SMARCA2: variants seen among roughly 807,000 people sequenced by gnomAD.
SMARCA2 encodes SWI/SNF-related matrix-associated actin-dependent regulator of chromatin subfamily A member 2.
Under a neutral mutation model 199.8 loss-of-function variants are expected in SMARCA2, and 61 were observed. The ratio of observed to expected loss-of-function variants is 0.31; its 90% confidence interval spans 0.25 to 0.38. SMARCA2 has a LOEUF of 0.38. Ranked by LOEUF, SMARCA2 falls within the 10% of genes least tolerant of loss-of-function variation. The pLI, the probability that SMARCA2 is intolerant of heterozygous loss-of-function variation, is 1.00. For missense variants in SMARCA2, 1,344 were observed against 2,012.2 expected (o/e 0.67, Z 6.35); for synonymous variants, 935 against 732.0 (o/e 1.28, Z -4.48).
chr9:2,096,473 T>C (rs866897226), intron 19 of SMARCA2, 184 bp from the exon 20 acceptor site: 22 of 516,460 alleles, frequency 4.3e-5, no homozygotes, highest in Non-Finnish European at 7.0e-5. Flanking sequence ...ATCATAATGG[T>C]ACCTTGAACA....
chr9:2,078,336 G>T (rs993532485), intron 14 of SMARCA2, among the ~76,000 whole-genome samples: 3 of 152,086 alleles, frequency 2.0e-5, no homozygotes, highest in Non-Finnish European at 4.4e-5. Flanking sequence ...GCTGGGTGTG[G>T]TGGCACATGC....
intron 27 of SMARCA2, among the ~76,000 whole-genome samples, chr9:2,131,659 C>G (rs59725148): frequency 1.3e-5 from 2 of 152,164 alleles, no homozygotes. Context: ...TTGGGGTTTT[C>G]TTCTTCCCAA....
At chr9:2,149,695 G>A (rs1824957941) in intron 27 of SMARCA2, among the ~76,000 whole-genome samples, 1 of 151,412 alleles carries the variant, frequency 6.6e-6, no homozygotes, top group Non-Finnish European at 1.5e-5. Context: ...GATTTGGGTG[G>A]GGACACAGAG....
chr9:2,190,200 G>A (rs572856034), intron 32 of SMARCA2, among the ~76,000 whole-genome samples: 1 of 152,282 alleles, frequency 6.6e-6, no homozygotes, highest in South Asian at 2.1e-4. Flanking sequence ...GTCCTGTGAA[G>A]GTGGAAATGG....
intron 21 of SMARCA2, 135 bp downstream of exon 21, chr9:2,097,606 C>T: frequency 1.7e-6 from 1 of 578,500 alleles, no homozygotes; most frequent in Non-Finnish European, 3.1e-6. Flanking sequence ...ATGACATGAT[C>T]TGATAGCTCG....
chr9:2,186,360 GC>G, intron 32 of SMARCA2, 132 bp downstream of exon 32: 1 of 924,266 alleles, frequency 1.1e-6, no homozygotes, highest in Non-Finnish European at 1.6e-6. Flanking sequence ...CTTTGTCCTT[GC>G]TGGGCAACCG....
chr9:2,144,806 C>G (rs1180933417), intron 27 of SMARCA2, among the ~76,000 whole-genome samples: 1 of 151,698 alleles, frequency 6.6e-6, no homozygotes, highest in Non-Finnish European at 1.5e-5. Context: ...TTGCTGATCA[C>G]AACTCATCTC....
chr9:2,101,546 T>C (rs746904299), intron 21 of SMARCA2, 24 bp from the exon 22 acceptor site: 2 of 1,336,992 alleles, frequency 1.5e-6, no homozygotes, highest in Non-Finnish European at 1.0e-6. Flanking sequence ...TTAAAATCAT[T>C]CTTTCTATCT....
At position 2,039,776 on chromosome 9, in the gene SMARCA2, A is replaced by ACAGCAACAG. The variant is rs745316697; in HGVS notation, c.671_672insACAGCAGCA (p.Gln236_Gln238dup). ...GCTTGCAGCAACAACAGCAGCAGCAACAGCAGCAGCAGCAGCAGCAGCAGC... is the reference window on the plus strand; with the variant it reads ...GCTTGCAGCAACAACAGCAGCAGCAACAGCAACAGCAGCAGCAGCAGCAGCAGCAGCAGC... On this transcript the variant is annotated inframe_insertion, in exon 4 of 34. Coordinates refer to ENST00000349721, the MANE Select transcript of SMARCA2 (RefSeq NM_003070.5). This position sits in a 1 kb window ranked among gnomAD's most constrained non-coding sequence, Gnocchi z 4.8. 5.6e-6 allele frequency: 9 copies of ACAGCAACAG among 1,596,250 alleles called. No homozygotes were observed. Among genetic ancestry groups the ACAGCAACAG allele is most frequent in the Non-Finnish European group, 7.7e-6 (9 of 1,171,730 alleles).
At chr9:2,046,812 A>C (rs1819866501) in intron 4 of SMARCA2, among the ~76,000 whole-genome samples, 2 of 152,070 alleles carry the variant, frequency 1.3e-5, no homozygotes. Context: ...CTGAACTCTC[A>C]ATGCACCTGT....
At chr9:2,050,991 C>A (rs1820093836) in intron 5 of SMARCA2, among the ~76,000 whole-genome samples, 1 of 152,202 alleles carries the variant, frequency 6.6e-6, no homozygotes, top group African/African-American at 2.4e-5. Context: ...GAGTCCCCTG[C>A]AGTTATGCAG....
intron 9 of SMARCA2, among the ~76,000 whole-genome samples, chr9:2,064,930 A>G (rs746784339): frequency 9.2e-5 from 14 of 152,216 alleles, no homozygotes; most frequent in Admixed American, 2.6e-4. Context: ...CACGCCTGTA[A>G]TCCCAGCACT....
At chr9:2,064,652 GAC>G (rs1376317332) in intron 9 of SMARCA2, among the ~76,000 whole-genome samples, 1 of 152,132 alleles carries the variant, frequency 6.6e-6, no homozygotes. Context: ...TGAGGACAGT[GAC>G]AGATTCTTTA....
intron 27 of SMARCA2, among the ~76,000 whole-genome samples, chr9:2,144,762 C>G (rs755963367): frequency 1.1e-4 from 16 of 152,268 alleles, no homozygotes; most frequent in South Asian, 2.1e-4. Flanking sequence ...TCTCTAGCAG[C>G]GAGGCCTCCA....
rs7855219 is a variant in SMARCA2 at position 2,062,962 on chromosome 9, C to T, written c.1692+1976C>T. On this transcript the variant is annotated intron_variant, in intron 9 of 33. Transcript: ENST00000349721. ...GTGGGGCCTGATTTCTTGGCAAACG[C>T]GTAATAGTTGTCAAAGCAGCTACTG... is the stretch of plus-strand genomic sequence containing the variant. Among the ~76,000 whole-genome samples, 354 of 152,096 alleles carry T rather than the reference C, an allele frequency of 2.3e-3. 1 individual carries two copies. Among genetic ancestry groups the T allele is most frequent in the Non-Finnish European group, 3.7e-3 (251 of 67,998 alleles).
chr9:2,041,129 T>A, intron 4 of SMARCA2: 1 of 380,920 alleles, frequency 2.6e-6, no homozygotes. Flanking sequence ...CAGATTAGTA[T>A]TTTTTCATTA....
intron 27 of SMARCA2, chr9:2,160,957 T>G: frequency 4.5e-6 from 1 of 223,034 alleles, no homozygotes; most frequent in Non-Finnish European, 8.8e-6. Flanking sequence ...GTTTCTTTTA[T>G]ACCTGGTTGT....
At chr9:2,096,593 G>C in intron 19 of SMARCA2, 64 bp from the exon 20 acceptor site, 1 of 979,776 alleles carries the variant, frequency 1.0e-6, no homozygotes, top group South Asian at 1.3e-5. Flanking sequence ...TGACTCAGCA[G>C]TCTTCTTAGA....
chr9:2,127,528 G>C (rs1482454995), intron 27 of SMARCA2, among the ~76,000 whole-genome samples: 1 of 152,202 alleles, frequency 6.6e-6, no homozygotes, highest in African/African-American at 2.4e-5. Context: ...GGCTGACAGA[G>C]CCTCTGCCGG....
Sources: allele counts gnomAD v4.1 joint callset (sites outside exome capture counted in the v4.1 genomes callset), GRCh38; gene constraint gnomAD v4.1.1; non-coding constraint Gnocchi (gnomAD v3.1); transcripts MANE v1.5; gene names NCBI Gene and HGNC (gene_info 2026-07-23, HGNC 2026-07-21).